The following CHMP4C variants were observed in gnomAD, a reference collection of about 807,000 sequenced individuals.
The protein encoded by CHMP4C is charged multivesicular body protein 4C.
In CHMP4C, 28 loss-of-function variants were observed where a neutral mutation model predicts 29.0. That is an observed-to-expected ratio of 0.97 (90% confidence interval 0.72 to 1.32). CHMP4C has a LOEUF of 1.32. CHMP4C is among the 40% of genes most tolerant of loss of function. The pLI, the probability that CHMP4C is intolerant of heterozygous loss-of-function variation, is 0.00. For synonymous variants in CHMP4C, 106 were observed against 102.4 expected (o/e 1.04, Z -0.21); for missense variants, 291 against 281.0 (o/e 1.04, Z -0.25).
At chr8:81,745,035 G>A (rs951811186) in intron 1 of CHMP4C, among the ~76,000 whole-genome samples, 6 of 151,894 alleles carry the variant, frequency 4.0e-5, no homozygotes, top group African/African-American at 1.2e-4. Context: ...TTTCCATTTG[G>A]GAAATGTCTA....
Position 81,758,913 on chromosome 8 carries a change from A to T in CHMP4C, c.*369A>T, listed in dbSNP as rs1176554082. ...CTACTTGGGAGGCTGAGTCAGGAGA[A>T]TCGCTTGAGCCCAGGAGATGGAGGT... On this transcript the variant is annotated 3_prime_UTR_variant, in exon 5 of 5. Transcript: ENST00000297265. 3.4e-5 allele frequency: 6 copies of T among 174,998 alleles called. No homozygotes were observed. The highest frequency in any genetic ancestry group is 7.2e-5 in the Non-Finnish European group (6 of 82,944). The allele number at this position is 174,998 out of a possible 1,614,324, so 10.8% of individuals were successfully genotyped here.
At chr8:81,738,132 C>T (rs1236783431) in intron 1 of CHMP4C, among the ~76,000 whole-genome samples, 1 of 152,186 alleles carries the variant, frequency 6.6e-6, no homozygotes, top group Non-Finnish European at 1.5e-5. Context: ...TCCCCCTCAT[C>T]CTAGTCCTAG....
intron 2 of CHMP4C, among the ~76,000 whole-genome samples, chr8:81,754,520 A>G (rs1440478696): frequency 6.6e-6 from 1 of 152,142 alleles, no homozygotes; most frequent in Non-Finnish European, 1.5e-5. Context: ...CAAAAAAATT[A>G]CTTCCACTGG....
intron 1 of CHMP4C, among the ~76,000 whole-genome samples, chr8:81,751,852 A>G (rs983849383): frequency 2.0e-5 from 3 of 152,120 alleles, no homozygotes; most frequent in African/African-American, 7.2e-5. Context: ...TAATATGTAT[A>G]TAAAAATAGA....
At chr8:81,752,894 G>A (rs1808922226) in intron 1 of CHMP4C, among the ~76,000 whole-genome samples, 170 bp from the exon 2 acceptor site, 2 of 152,136 alleles carry the variant, frequency 1.3e-5, no homozygotes, top group Admixed American at 1.3e-4. Flanking sequence ...GTACTAGTTG[G>A]TATAGGTAAT....
At chr8:81,749,540 C>T (rs1440902406) in intron 1 of CHMP4C, among the ~76,000 whole-genome samples, 1 of 152,122 alleles carries the variant, frequency 6.6e-6, no homozygotes, top group African/African-American at 2.4e-5. Context: ...AGACATAATT[C>T]TACTATAGTG....
intron 3 of CHMP4C, among the ~76,000 whole-genome samples, chr8:81,756,215 C>A (rs1403306379): frequency 6.6e-6 from 1 of 151,252 alleles, no homozygotes; most frequent in Non-Finnish European, 1.5e-5. Flanking sequence ...ATGGTGTAGA[C>A]AAGGGGTCAG....
chr8:81,735,772 A>C (rs896595311), intron 1 of CHMP4C, among the ~76,000 whole-genome samples: 1 of 152,122 alleles, frequency 6.6e-6, no homozygotes, highest in African/African-American at 2.4e-5. Flanking sequence ...AAAATGAAAA[A>C]CTTTTAATTA....
chr8:81,744,912 C>T (rs1024766458), intron 1 of CHMP4C, among the ~76,000 whole-genome samples: 3 of 152,106 alleles, frequency 2.0e-5, no homozygotes, highest in African/African-American at 7.2e-5. Context: ...AAAGTAAAGA[C>T]GTTCAGTGAA....
intron 1 of CHMP4C, among the ~76,000 whole-genome samples, chr8:81,751,997 C>G (rs1808909947): frequency 6.6e-6 from 1 of 151,892 alleles, no homozygotes; most frequent in Admixed American, 6.6e-5. Context: ...GAGAGTAATA[C>G]TTGATTACAA....
intron 1 of CHMP4C, 28 bp downstream of exon 1, chr8:81,732,844 G>GGAC (rs1808636602): frequency 2.5e-6 from 4 of 1,595,118 alleles, no homozygotes; most frequent in Non-Finnish European, 3.4e-6. Flanking sequence ...CCACAGGCGG[G>GGAC]AGCCCATCTG....
intron 1 of CHMP4C, among the ~76,000 whole-genome samples, chr8:81,740,324 TC>T (rs558651471): frequency 9.2e-4 from 140 of 152,342 alleles, no homozygotes; most frequent in African/African-American, 3.3e-3. Flanking sequence ...CTGTTCCACC[TC>T]AGATCATCAG....
chr8:81,736,961 G>C (rs1034912917), intron 1 of CHMP4C, among the ~76,000 whole-genome samples: 4 of 152,152 alleles, frequency 2.6e-5, no homozygotes, highest in African/African-American at 7.2e-5. Context: ...AAAAGAATTT[G>C]AGTAAACATG....
At chr8:81,753,432 A>T (rs914131270) in intron 2 of CHMP4C, among the ~76,000 whole-genome samples, 191 bp downstream of exon 2, 3 of 152,170 alleles carry the variant, frequency 2.0e-5, no homozygotes, top group African/African-American at 2.4e-5. Context: ...GAAAAAAGAA[A>T]GGGCATTCAT....
At chr8:81,758,413 T>C in intron 4 of CHMP4C, 67 bp from the exon 5 acceptor site, 1 of 1,537,758 alleles carries the variant, frequency 6.5e-7, no homozygotes, top group Non-Finnish European at 9.0e-7. Flanking sequence ...ATGTAATTCA[T>C]ACCTGTTTTC....
At chr8:81,748,643 T>A (rs940443001) in intron 1 of CHMP4C, among the ~76,000 whole-genome samples, 2 of 151,934 alleles carry the variant, frequency 1.3e-5, no homozygotes, top group Admixed American at 6.6e-5. Flanking sequence ...AGAAATAAGA[T>A]ATGCAAGCTT....
Position 81,732,613 on chromosome 8 carries a change from C to G in CHMP4C, c.-14C>G, listed in dbSNP as rs761212990. ...GAGGCCCCCGGGATCGCTGGCCCTC[C>G]GAACTCCACAGCAATGAGCAAGTTG... On this transcript the variant is annotated 5_prime_UTR_variant, in exon 1 of 5. Transcript: ENST00000297265. 35 of 1,524,574 alleles carry G rather than the reference C, an allele frequency of 2.3e-5. No individual in the cohort carries two copies. The highest frequency in any genetic ancestry group is 4.9e-5 in the South Asian group (4 of 81,344). The allele number at this position is 1,524,574 out of a possible 1,614,324, so 94.4% of individuals were successfully genotyped here. A position where few individuals can be genotyped will look rare whatever the true frequency, so the allele number is the denominator to read the frequency against.
At chr8:81,758,075 A>T in intron 3 of CHMP4C, 67 bp from the exon 4 acceptor site, 2 of 1,436,124 alleles carry the variant, frequency 1.4e-6, no homozygotes, top group Middle Eastern at 3.6e-4. Flanking sequence ...TGTTCTTGTT[A>T]TTGTGTTTGA....
intron 1 of CHMP4C, among the ~76,000 whole-genome samples, chr8:81,748,193 T>C (rs543694699): frequency 2.6e-5 from 4 of 152,322 alleles, no homozygotes; most frequent in Non-Finnish European, 5.9e-5. Context: ...GAGTTTAAGG[T>C]TATCTCTCTT....
Sources: allele counts gnomAD v4.1 joint callset (sites outside exome capture counted in the v4.1 genomes callset), GRCh38; gene constraint gnomAD v4.1.1; transcripts MANE v1.5; gene names NCBI Gene and HGNC (gene_info 2026-07-23, HGNC 2026-07-21).